The following ZNF385B variants were observed in gnomAD, a reference collection of about 807,000 sequenced individuals.
ZNF385B encodes zinc finger protein 533.
ZNF385B carries 23 observed loss-of-function variants against 39.2 expected under a neutral mutation model. The ratio of observed to expected loss-of-function variants is 0.59; its 90% CI spans 0.42 to 0.83. The LOEUF is 0.83. ZNF385B is among the 40% of genes least tolerant of loss of function. The pLI is 0.00. For missense variants in ZNF385B, 552 were observed against 598.9 expected, an observed-to-expected ratio of 0.92 and a Z score of 0.82; for synonymous variants, 205 against 222.6, an observed-to-expected ratio of 0.92 and a Z score of 0.70.
Position 179,659,513 on chromosome 2 carries a change from A to G in ZNF385B, c.298+109990T>C, listed in dbSNP as rs1025914576. Among the ~76,000 whole-genome samples, 37 of 152,068 alleles carry G rather than the reference A, an allele frequency of 2.4e-4. 1 individual carries two copies. The highest frequency in any genetic ancestry group is 8.7e-4 in the African/African-American group (36 of 41,574). On this transcript the variant is annotated intron_variant, in intron 3 of 9. Coordinates refer to ENST00000410066, the MANE Select transcript of ZNF385B (RefSeq NM_152520.6). Reference sequence around the variant, plus strand: ...TAAGACTAATGCATGCAAATGTTATATTTAAAAATATTTTATATTGTATAA... The same window carrying G: ...TAAGACTAATGCATGCAAATGTTATGTTTAAAAATATTTTATATTGTATAA...
At chr2:179,493,569 A>G (rs1272405123) in intron 5 of ZNF385B, among the ~76,000 whole-genome samples, 1 of 150,072 alleles carries the variant, frequency 6.7e-6, no homozygotes, top group Non-Finnish European at 1.5e-5. Context: ...ATATATGCGT[A>G]TACATATGTG....
At chr2:179,819,741 C>T (rs1651942118) in intron 1 of ZNF385B, among the ~76,000 whole-genome samples, 1 of 152,176 alleles carries the variant, frequency 6.6e-6, no homozygotes, top group Non-Finnish European at 1.5e-5. Context: ...GTCTTTTGGC[C>T]TCTCCTTTCT....
chr2:179,504,998 CCACAT>C (rs1164317086), intron 5 of ZNF385B, among the ~76,000 whole-genome samples: 1 of 151,996 alleles, frequency 6.6e-6, no homozygotes, highest in African/African-American at 2.4e-5. Flanking sequence ...CAGATCCAAA[CCACAT>C]CACTGTATAA....
chr2:179,487,613 C>A (rs2054720916), intron 5 of ZNF385B, among the ~76,000 whole-genome samples: 1 of 152,178 alleles, frequency 6.6e-6, no homozygotes, highest in Non-Finnish European at 1.5e-5. Flanking sequence ...ACACGTCAAG[C>A]CCATCAACAA....
intron 1 of ZNF385B, among the ~76,000 whole-genome samples, chr2:179,771,609 G>C (rs1704017545): frequency 1.3e-5 from 2 of 152,132 alleles, no homozygotes; most frequent in South Asian, 2.1e-4. Flanking sequence ...TAATTGAAAT[G>C]GGGTTTGAAC....
At chr2:179,556,605 C>G (rs1402999183) in intron 3 of ZNF385B, among the ~76,000 whole-genome samples, 1 of 149,428 alleles carries the variant, frequency 6.7e-6, no homozygotes, top group Non-Finnish European at 1.5e-5. Context: ...TGTCTGAGGT[C>G]GAGAACGGAT....
intron 3 of ZNF385B, among the ~76,000 whole-genome samples, chr2:179,715,590 G>A (rs1700282761): frequency 6.6e-6 from 1 of 152,148 alleles, no homozygotes; most frequent in Non-Finnish European, 1.5e-5. Context: ...GTCTACTGCA[G>A]TGAACATGTA....
chr2:179,533,019 C>T (rs145040853), intron 4 of ZNF385B, among the ~76,000 whole-genome samples: 7 of 152,238 alleles, frequency 4.6e-5, no homozygotes, highest in African/African-American at 1.4e-4. Flanking sequence ...CTGATAATTT[C>T]CTGTGATGAC....
At position 179,773,844 on chromosome 2, in the gene ZNF385B, T is replaced by C. The variant is rs922462949; in HGVS notation, c.-154-3172A>G. Among the ~76,000 whole-genome samples the C allele has an allele frequency of 2.0e-5, 3 of 152,236 alleles. 1 individual carries two copies. Among genetic ancestry groups the C allele is most frequent in the Admixed American group, 2.0e-4 (3 of 15,282 alleles). Reference sequence around the variant, plus strand: ...CTCCCTTGCTAGTTTTCAAGCTCCTTGAGTATAAAAACTATGTTTTATTCA... The same window carrying C: ...CTCCCTTGCTAGTTTTCAAGCTCCTCGAGTATAAAAACTATGTTTTATTCA... On this transcript the variant is annotated intron_variant, in intron 1 of 9. Transcript: ENST00000410066.
intron 3 of ZNF385B, among the ~76,000 whole-genome samples, chr2:179,715,533 G>A (rs1272550777): frequency 6.6e-6 from 1 of 152,266 alleles, no homozygotes; most frequent in African/African-American, 2.4e-5. Flanking sequence ...AGTTAAGAAT[G>A]TATGCTAATG....
At chr2:179,509,722 A>C (rs1025635896) in intron 5 of ZNF385B, among the ~76,000 whole-genome samples, 4 of 152,182 alleles carry the variant, frequency 2.6e-5, no homozygotes, top group African/African-American at 9.6e-5. Context: ...TTCTATTTTC[A>C]GTATTATATT....
intron 3 of ZNF385B, among the ~76,000 whole-genome samples, chr2:179,702,152 TA>T (rs1158319132): frequency 6.6e-6 from 1 of 152,032 alleles, no homozygotes; most frequent in Admixed American, 6.5e-5. Context: ...TAAAGTATAA[TA>T]AAAAAATGTT....
At chr2:179,487,250 C>G (rs986869279) in intron 5 of ZNF385B, among the ~76,000 whole-genome samples, 2 of 152,242 alleles carry the variant, frequency 1.3e-5, no homozygotes, top group Non-Finnish European at 2.9e-5. Flanking sequence ...ACTTCTGCTT[C>G]GAGTTCAGGG....
intron 1 of ZNF385B, among the ~76,000 whole-genome samples, chr2:179,826,923 T>G (rs41439945): frequency 0.012 from 1,809 of 152,312 alleles, 38 homozygotes; most frequent in African/African-American, 0.042. Flanking sequence ...CATTCCACAC[T>G]TAAGTTCCTA....
intron 3 of ZNF385B, among the ~76,000 whole-genome samples, chr2:179,723,594 CTAAA>C (rs900395424): frequency 6.6e-6 from 1 of 151,764 alleles, no homozygotes; most frequent in African/African-American, 2.4e-5. Flanking sequence ...TAGGCAAAAA[CTAAA>C]TATATTTTAA....
intron 6 of ZNF385B, among the ~76,000 whole-genome samples, chr2:179,465,199 C>T (rs890945810): frequency 3.3e-5 from 5 of 152,122 alleles, no homozygotes; most frequent in African/African-American, 9.7e-5. Flanking sequence ...TTAGCTTCTA[C>T]AACAGCTCGT....
At chr2:179,672,263 C>T (rs968678242) in intron 3 of ZNF385B, among the ~76,000 whole-genome samples, 27 of 152,190 alleles carry the variant, frequency 1.8e-4, no homozygotes, top group African/African-American at 6.5e-4. Flanking sequence ...TGTCCAGTGC[C>T]TACCCCACCA....
At chr2:179,689,976 C>T (rs887462780) in intron 3 of ZNF385B, among the ~76,000 whole-genome samples, 5 of 152,138 alleles carry the variant, frequency 3.3e-5, no homozygotes, top group South Asian at 2.1e-4. Flanking sequence ...ACGTCAGAGT[C>T]TAGGAACAAT....
chr2:179,809,654 T>C (rs1377248443), intron 1 of ZNF385B, among the ~76,000 whole-genome samples: 2 of 151,976 alleles, frequency 1.3e-5, no homozygotes, highest in African/African-American at 4.8e-5. Flanking sequence ...ATGGGAAAAA[T>C]ACAAATTTAT....
Sources: allele counts gnomAD v4.1 joint callset (sites outside exome capture counted in the v4.1 genomes callset), GRCh38; gene constraint gnomAD v4.1.1; transcripts MANE v1.5; gene names NCBI Gene and HGNC (gene_info 2026-07-23, HGNC 2026-07-21).